ANO10: variants seen among roughly 807,000 people sequenced by gnomAD.
The protein encoded by ANO10 is anoctamin 10, also known as anoctamin-10.
ANO10 carries 77 observed loss-of-function variants against 74.7 expected under a neutral mutation model. The observed-to-expected ratio is 1.03, with a 90% CI of 0.86 to 1.25. ANO10 has a LOEUF of 1.25. Among genes scored for constraint, ANO10 ranks in the 50% most tolerant of loss-of-function variants. The probability of loss-of-function intolerance (pLI) is 0.00; values close to 1 mark genes in which losing one functional copy is unlikely to be tolerated. For synonymous variants in ANO10, 279 were observed against 284.9 expected, an observed-to-expected ratio of 0.98 and a Z score of 0.21; for missense variants, 721 against 778.1, an observed-to-expected ratio of 0.93 and a Z score of 0.87.
At chr3:43,649,956 A>G (rs2083769773) in intron 1 of ANO10, among the ~76,000 whole-genome samples, 1 of 152,202 alleles carries the variant, frequency 6.6e-6, no homozygotes, top group Non-Finnish European at 1.5e-5. Flanking sequence ...CCCTGAGCCC[A>G]AGAGGGTGTG....
intron 1 of ANO10, among the ~76,000 whole-genome samples, chr3:43,644,495 G>A (rs2083706620): frequency 1.3e-5 from 2 of 152,196 alleles, no homozygotes; most frequent in African/African-American, 2.4e-5. Context: ...TGCACGCACA[G>A]TGTGTCTGTG....
chr3:43,484,462 TC>T (rs1239359410), intron 11 of ANO10, among the ~76,000 whole-genome samples: 5 of 151,928 alleles, frequency 3.3e-5, no homozygotes, highest in Admixed American at 1.3e-4. Flanking sequence ...AGATGCAAAT[TC>T]CCCCCACAAG....
intron 1 of ANO10, among the ~76,000 whole-genome samples, chr3:43,614,731 T>C (rs555406336): frequency 7.2e-6 from 1 of 139,822 alleles, no homozygotes; most frequent in East Asian, 2.2e-4. Flanking sequence ...AACAATGCTA[T>C]TTCTAAGAAT....
At chr3:43,465,635 A>C (rs1346012032) in intron 11 of ANO10, among the ~76,000 whole-genome samples, 1 of 152,106 alleles carries the variant, frequency 6.6e-6, no homozygotes, top group Non-Finnish European at 1.5e-5. Flanking sequence ...CCTGGACAAC[A>C]GGGTGAGACT....
chr3:43,367,777 C>T (rs2091464122), intron 12 of ANO10, among the ~76,000 whole-genome samples: 1 of 152,192 alleles, frequency 6.6e-6, no homozygotes, highest in Admixed American at 6.5e-5. Context: ...CAGCTCTGCC[C>T]TATTCGTTGA....
chr3:43,633,417 CTATT>C lies in ANO10; in HGVS notation c.-11-27558_-11-27555del, dbSNP rs1278543721. Among the ~76,000 whole-genome samples the C allele has an allele frequency of 3.3e-5, 5 of 152,262 alleles. No individual in the cohort carries two copies. In the East Asian group the frequency reaches 7.7e-4, roughly 24 times the overall value. ...GACATCTGCCAAATAATCAAAGACACTATTTGGCTCACAGTGCCATTTCAGTTCC... is the reference window on the plus strand; with the variant it reads ...GACATCTGCCAAATAATCAAAGACACTGGCTCACAGTGCCATTTCAGTTCC... On this transcript the variant is annotated intron_variant, in intron 1 of 3. Transcript: ENST00000413397.
rs1377438283 is a variant in ANO10 at position 43,555,394 on chromosome 3, C to A, written c.1552G>T (p.Ala518Ser). 1.2e-6 allele frequency: 2 copies of A among 1,614,160 alleles called. No homozygotes were observed. Among genetic ancestry groups the A allele is most frequent in the Non-Finnish European group, 1.7e-6 (2 of 1,180,028 alleles). Residue 518 changes from alanine to serine, a missense_variant, in exon 10 of 13, where the codon GCA (alanine) becomes TCA (serine). Ala to Ser is a moderately conservative substitution (Grantham distance 99, BLOSUM62 1). Coordinates refer to ENST00000292246, the MANE Select transcript of ANO10 (RefSeq NM_018075.5). ...TTATTTAACACAGCAAAGGCAGCTG[C>A]TAATGGGTAAACACAGGAGAAAAGG... ...VSLFSCVYPL[A>S]AAFAVLNNFT... is the part of the protein sequence containing the mutation.
intron 1 of ANO10, among the ~76,000 whole-genome samples, chr3:43,649,460 G>A (rs1266653554): frequency 6.6e-6 from 1 of 152,170 alleles, no homozygotes; most frequent in Non-Finnish European, 1.5e-5. Context: ...GAAACACTAA[G>A]CTGAAACTTG....
chr3:43,592,732 C>G (rs1370303205), intron 4 of ANO10, among the ~76,000 whole-genome samples: 1 of 152,212 alleles, frequency 6.6e-6, no homozygotes, highest in East Asian at 1.9e-4. Context: ...AGCAACAGAA[C>G]AAAGCTGCAC....
intron 11 of ANO10, among the ~76,000 whole-genome samples, chr3:43,515,991 G>C (rs909899321): frequency 6.6e-6 from 1 of 152,178 alleles, no homozygotes; most frequent in Non-Finnish European, 1.5e-5. Context: ...AAACGACGTA[G>C]AGAGGCATTA....
At chr3:43,384,513 C>T (rs1298923111) in intron 12 of ANO10, among the ~76,000 whole-genome samples, 3 of 152,142 alleles carry the variant, frequency 2.0e-5, no homozygotes, top group Non-Finnish European at 4.4e-5. Flanking sequence ...GCATACATTA[C>T]CCGACTTCAA....
chr3:43,419,622 TCTC>T (rs2092791172), intron 12 of ANO10, among the ~76,000 whole-genome samples: 1 of 151,972 alleles, frequency 6.6e-6, no homozygotes, highest in South Asian at 2.1e-4. Context: ...TTCAAGCAAT[TCTC>T]CTGCCTCAGC....
chr3:43,415,540 T>G (rs1454363391), intron 12 of ANO10, among the ~76,000 whole-genome samples: 1 of 151,616 alleles, frequency 6.6e-6, no homozygotes, highest in Non-Finnish European at 1.5e-5. Flanking sequence ...TTTCTTTCTT[T>G]CTTTCTTTTT....
chr3:43,401,182 T>C (rs2092474609), intron 12 of ANO10, among the ~76,000 whole-genome samples: 1 of 152,212 alleles, frequency 6.6e-6, no homozygotes, highest in Admixed American at 6.5e-5. Flanking sequence ...TGTATCTTTT[T>C]TCCTAAGTAA....
intron 1 of ANO10, among the ~76,000 whole-genome samples, chr3:43,638,488 T>C (rs934919841): frequency 2.6e-5 from 4 of 152,214 alleles, no homozygotes; most frequent in Non-Finnish European, 2.9e-5. Flanking sequence ...GTCTGCTCAA[T>C]GGGATATAGA....
chr3:43,414,615 A>G (rs1156708647), intron 12 of ANO10, among the ~76,000 whole-genome samples: 2 of 152,340 alleles, frequency 1.3e-5, no homozygotes, highest in Middle Eastern at 3.4e-3. Flanking sequence ...GTTTTTGGTT[A>G]AAATACAGTG....
At chr3:43,437,919 T>C (rs568967332) in intron 11 of ANO10, among the ~76,000 whole-genome samples, 9 of 141,238 alleles carry the variant, frequency 6.4e-5, no homozygotes, top group Admixed American at 2.8e-4. Flanking sequence ...AGAAACACAA[T>C]AATTCTTCAG....
At chr3:43,571,091 T>C (rs1232456100) in intron 7 of ANO10, among the ~76,000 whole-genome samples, 8 of 151,318 alleles carry the variant, frequency 5.3e-5, no homozygotes, top group Admixed American at 2.6e-4. Context: ...AAAATGCTCA[T>C]CATCACTGGC....
chr3:43,536,284 G>A (rs1018616434), intron 11 of ANO10, among the ~76,000 whole-genome samples: 2 of 152,110 alleles, frequency 1.3e-5, no homozygotes, highest in Admixed American at 6.6e-5. Flanking sequence ...ACTCATTAGA[G>A]CACTAGAATT....
Sources: allele counts gnomAD v4.1 joint callset (sites outside exome capture counted in the v4.1 genomes callset), GRCh38; gene constraint gnomAD v4.1.1; transcripts MANE v1.5; gene names NCBI Gene and HGNC (gene_info 2026-07-23, HGNC 2026-07-21).